The following NTNG2 variants were observed in gnomAD, a reference collection of about 807,000 sequenced individuals.
NTNG2 encodes netrin G2.
NTNG2 carries 15 observed loss-of-function variants against 47.6 expected under a neutral mutation model. That is an observed-to-expected ratio of 0.32 (90% CI 0.21 to 0.49). The LOEUF is 0.49. Among genes scored for constraint, NTNG2 ranks in the 20% least tolerant of loss-of-function variants. NTNG2 has a pLI of 0.99. For synonymous variants in NTNG2, 307 were observed against 324.6 expected (o/e 0.95, Z 0.58); for missense variants, 578 against 764.6 (o/e 0.76, Z 2.88).
In NTNG2 at chr9:132,239,254, A is replaced by C. The variant is rs1329448991; in HGVS notation, c.1205A>C (p.Asp402Ala). The C allele has an allele frequency of 1.2e-6, 2 of 1,613,476 alleles. No individual in the cohort carries two copies. Among genetic ancestry groups the C allele is most frequent in the Non-Finnish European group, 1.7e-6 (2 of 1,180,018 alleles). ...CGCAACGGCTCGGCAGAGCTGGATGATGAGAACGTCTGCATTGGTGAGAGG... is the reference window on the plus strand; with the variant it reads ...CGCAACGGCTCGGCAGAGCTGGATGCTGAGAACGTCTGCATTGGTGAGAGG... ...YYRNGSAELD[D>A]ENVCIECNCN... Residue 402 changes from aspartate to alanine, a missense_variant, in exon 6 of 8, where the codon GAT becomes GCT. Asp to Ala is a moderately radical substitution (Grantham distance 126). Coordinates refer to ENST00000393229, the MANE Select transcript of NTNG2 (RefSeq NM_032536.4).
intron 4 of NTNG2, among the ~76,000 whole-genome samples, chr9:132,227,449 G>A (rs1418444491): frequency 4.6e-5 from 7 of 152,204 alleles, no homozygotes; most frequent in Non-Finnish European, 7.4e-5. Context: ...GGCCCCCATG[G>A]GATGGCAGGG....
intron 3 of NTNG2, among the ~76,000 whole-genome samples, chr9:132,220,668 C>A (rs1589509847): frequency 6.6e-6 from 1 of 152,092 alleles, no homozygotes; most frequent in East Asian, 1.9e-4. Context: ...TGACCAACTT[C>A]AACTCCTGAC....
chr9:132,239,206 A>G lies in NTNG2; in HGVS notation c.1157A>G (p.Gln386Arg). Residue 386 changes from glutamine to arginine, a missense_variant, in exon 6 of 8, where the codon CAG (glutamine) becomes CGG (arginine). Physicochemically the swap from Gln to Arg is conservative, Grantham distance 43. Coordinates refer to ENST00000393229, the MANE Select transcript of NTNG2 (RefSeq NM_032536.4). ...CKHNTRGQHC[Q>R]HCRLGYYRNG... ...CACAACACGCGAGGTCAGCACTGCC[A>G]GCACTGCCGGCTGGGCTACTACCGC... 6.2e-7 allele frequency: 1 copy of G among 1,613,842 alleles called. No individual in the cohort carries two copies. Among genetic ancestry groups the G allele is most frequent in the Non-Finnish European group, 8.5e-7 (1 of 1,180,020 alleles).
intron 3 of NTNG2, among the ~76,000 whole-genome samples, chr9:132,222,976 T>C (rs575692917): frequency 1.3e-5 from 2 of 152,000 alleles, no homozygotes; most frequent in Non-Finnish European, 2.9e-5. Flanking sequence ...TAGCCAGGCA[T>C]GGTGGCACGC....
At chr9:132,232,812 TG>T (rs3842682) in intron 5 of NTNG2, 61,801 of 152,136 alleles carry the variant, frequency 0.41, 12,784 homozygotes, top group Admixed American at 0.48. Context: ...CCTTCCCCCT[TG>T]GGGGGTGGCA....
At chr9:132,222,349 G>A (rs1182391253) in intron 3 of NTNG2, among the ~76,000 whole-genome samples, 1 of 152,242 alleles carries the variant, frequency 6.6e-6, no homozygotes, top group Admixed American at 6.5e-5. Flanking sequence ...CCCCCTCTGT[G>A]CCTTTCCCAG....
At position 132,241,896 on chromosome 9, in the gene NTNG2, C is replaced by T; in HGVS notation, c.1378C>T (p.Gln460Ter). 1 of 1,577,484 alleles carries T rather than the reference C, an allele frequency of 6.3e-7. No homozygotes were observed. Among genetic ancestry groups the T allele is most frequent in the Non-Finnish European group, 8.6e-7 (1 of 1,168,220 alleles). ...TGCAGCCAACGTGTGCGACGACGAC[C>T]AGCTGCTGTGCCAGAACGGAGGCAC... ...GCYPNVCDDD[Q>*]LLCQNGGTCL... Residue 460 changes from glutamine to a stop codon, truncating the protein, a stop_gained, in exon 8 of 8, where the codon CAG (glutamine) becomes TAG (stop). Transcript: ENST00000393229. LOFTEE classifies it low-confidence loss of function (END_TRUNC).
rs1056222212 is a variant in NTNG2, at chr9:132,201,177, C to T, written c.857+2568C>T. ...TGTGATGCTCAGGGCCTGGTGGTGC[C>T]CCTTCAACCCCAGCAGGGTGACCTG... On this transcript the variant is annotated intron_variant, in intron 3 of 7. Coordinates refer to ENST00000393229, the MANE Select transcript of NTNG2 (RefSeq NM_032536.4). Among the ~76,000 whole-genome samples, 9 of 152,322 alleles carry T rather than the reference C, an allele frequency of 5.9e-5. No homozygotes were observed. The East Asian group carries it at 1.7e-3, about 29-fold the overall frequency.
chr9:132,226,727 G>C lies in NTNG2; in HGVS notation c.858-122G>C, dbSNP rs1840785608. 1.2e-6 allele frequency: 1 copy of C among 804,484 alleles called. No individual in the cohort carries two copies. The highest frequency in any genetic ancestry group is 1.8e-6 in the Non-Finnish European group (1 of 541,502). 49.8% of individuals were successfully genotyped at this position (804,484 alleles called of 1,614,324 possible). ...AAAGGTTGGGCTGGTGGCCTCCAGGGTTTCTTCCTGGGCAGCCCAACACCC... is the reference window on the plus strand; with the variant it reads ...AAAGGTTGGGCTGGTGGCCTCCAGGCTTTCTTCCTGGGCAGCCCAACACCC... On this transcript the variant is annotated intron_variant, in intron 3 of 7. Coordinates refer to ENST00000393229, the MANE Select transcript of NTNG2 (RefSeq NM_032536.4). This position sits in a 1 kb window ranked among gnomAD's most constrained non-coding sequence, Gnocchi z 4.8.
At chr9:132,240,206 C>A (rs1841891346) in intron 6 of NTNG2, among the ~76,000 whole-genome samples, 1 of 152,254 alleles carries the variant, frequency 6.6e-6, no homozygotes, top group Non-Finnish European at 1.5e-5. Context: ...GGTCTGAATT[C>A]TGGCGGCAGC....
intron 6 of NTNG2, among the ~76,000 whole-genome samples, chr9:132,239,634 G>GGT (rs891346489): frequency 2.6e-4 from 39 of 149,554 alleles, no homozygotes; most frequent in African/African-American, 9.0e-4. Flanking sequence ...GTCTGGGGCT[G>GGT]GTGTGTGGGG....
chr9:132,235,982 G>A (rs555197828), intron 5 of NTNG2, among the ~76,000 whole-genome samples: 2 of 152,298 alleles, frequency 1.3e-5, no homozygotes, highest in South Asian at 4.1e-4. Context: ...GAGGTTCCAT[G>A]TGGCACCCCC....
intron 2 of NTNG2, among the ~76,000 whole-genome samples, chr9:132,173,190 C>T (rs1050927632): frequency 1.3e-5 from 2 of 152,166 alleles, no homozygotes. Flanking sequence ...CAAGTGACTT[C>T]GGCACCTGAG....
rs1438800971 is a variant in NTNG2 at position 132,197,058 on chromosome 9, G to A, written c.214-908G>A. On this transcript the variant is annotated intron_variant, in intron 2 of 7. Coordinates refer to ENST00000393229, the MANE Select transcript of NTNG2 (RefSeq NM_032536.4). This position sits in a 1 kb window ranked among gnomAD's most constrained non-coding sequence, Gnocchi z 4.3. ...CCCAGAGCTTCCAGGCCCTCTTTGA[G>A]CACCTCAATGTGTTCACCAATCCTA... is the stretch of plus-strand genomic sequence containing the variant. Among the ~76,000 whole-genome samples the A allele has an allele frequency of 6.6e-6, 1 of 152,174 alleles. No individual in the cohort carries two copies. Among genetic ancestry groups the A allele is most frequent in the African/African-American group, 2.4e-5 (1 of 41,420 alleles).
intron 2 of NTNG2, among the ~76,000 whole-genome samples, chr9:132,181,880 A>G (rs1402245729): frequency 6.6e-6 from 1 of 152,244 alleles, no homozygotes; most frequent in Admixed American, 6.5e-5. Context: ...CCCGGCATCC[A>G]GGTTCCTAAA....
At chr9:132,238,956 T>C in intron 5 of NTNG2, 148 bp from the exon 6 acceptor site, 1 of 759,726 alleles carries the variant, frequency 1.3e-6, no homozygotes, top group Non-Finnish European at 2.3e-6. Context: ...GATGGAAGGG[T>C]GGGAGGCCTA....
In NTNG2 at chr9:132,198,397, G is replaced by A. The variant is rs1365054215; in HGVS notation, c.645G>A (p.Val215=). Residue 215 remains valine, a synonymous_variant, in exon 3 of 8, where the codon GTG becomes GTA. Coordinates refer to ENST00000393229, the MANE Select transcript of NTNG2 (RefSeq NM_032536.4). The stretch of plus-strand genomic sequence containing the variant: ...AGGAGAAGCACGTGCGCTTCGAGGT[G>A]CGGGACCGCTTCGCCATCTTTGCCG... ...SKKEKHVRFE[V]RDRFAIFAGP... 2 of 1,613,066 alleles carry A rather than the reference G, an allele frequency of 1.2e-6. No homozygotes were observed. The highest frequency in any genetic ancestry group is 1.1e-5 in the South Asian group (1 of 91,086).
chr9:132,230,554 C>A lies in NTNG2; in HGVS notation c.1031-18C>A. On this transcript the variant is annotated intron_variant, in intron 4 of 7. Coordinates refer to ENST00000393229, the MANE Select transcript of NTNG2 (RefSeq NM_032536.4). ...CTTCCCCTGGGGCAGCCAGCTCACG[C>A]CCGTCTCTCTCCCACAGGTGCCACT... is the stretch of plus-strand genomic sequence containing the variant. 1 of 1,599,122 alleles carries A rather than the reference C, an allele frequency of 6.3e-7. No individual in the cohort carries two copies.
chr9:132,210,460 C>T (rs1373127539), intron 3 of NTNG2, among the ~76,000 whole-genome samples: 1 of 152,220 alleles, frequency 6.6e-6, no homozygotes, highest in Admixed American at 6.5e-5. Context: ...TCTGTCCCTT[C>T]ATCAGTCAAC....
Sources: allele counts gnomAD v4.1 joint callset (sites outside exome capture counted in the v4.1 genomes callset), GRCh38; gene constraint gnomAD v4.1.1; non-coding constraint Gnocchi (gnomAD v3.1); transcripts MANE v1.5; gene names NCBI Gene and HGNC (gene_info 2026-07-23, HGNC 2026-07-21).